SMG6: variants seen among roughly 807,000 people sequenced by gnomAD.
SMG6 encodes the protein telomerase-binding protein EST1A.
A neutral mutation model predicts 142.2 loss-of-function variants in SMG6; 66 were observed. The observed-to-expected ratio is 0.46, with a 90% CI of 0.38 to 0.57. The LOEUF (loss-of-function observed/expected upper bound fraction) is 0.57, where lower values mean the gene tolerates loss of function less well. Among genes scored for constraint, SMG6 ranks in the 20% least tolerant of loss-of-function variants. The probability of loss-of-function intolerance (pLI) is 0.00; values close to 1 mark genes in which losing one functional copy is unlikely to be tolerated. For missense variants in SMG6, 1,793 were observed against 1,832.0 expected (o/e 0.98, Z 0.39); for synonymous variants, 779 against 702.4 (o/e 1.11, Z -1.72).
chr17:2,256,701 G>C (rs1396245426), intron 8 of SMG6, among the ~76,000 whole-genome samples: 1 of 152,162 alleles, frequency 6.6e-6, no homozygotes, highest in Admixed American at 6.5e-5. Flanking sequence ...CTGGAGCCTG[G>C]GAGGCAGAGA....
At chr17:2,286,393 G>A (rs1455616355) in intron 6 of SMG6, among the ~76,000 whole-genome samples, 2 of 150,894 alleles carry the variant, frequency 1.3e-5, no homozygotes, top group East Asian at 3.9e-4. Flanking sequence ...CACAGCTGTG[G>A]TACTGGCATG....
At chr17:2,130,449 G>A (rs918886459) in intron 13 of SMG6, among the ~76,000 whole-genome samples, 7 of 151,808 alleles carry the variant, frequency 4.6e-5, no homozygotes, top group East Asian at 1.9e-4. Flanking sequence ...TCATGGATGG[G>A]AAGACTAAAT....
intron 8 of SMG6, 187 bp from the exon 9 acceptor site, chr17:2,244,906 G>A: frequency 1.7e-6 from 1 of 592,188 alleles, no homozygotes; most frequent in South Asian, 2.0e-5. Flanking sequence ...CCGCTCAGCT[G>A]AGCCAAGATG....
intron 12 of SMG6, among the ~76,000 whole-genome samples, chr17:2,177,806 G>C (rs2071693075): frequency 6.6e-6 from 1 of 152,276 alleles, no homozygotes; most frequent in African/African-American, 2.4e-5. Context: ...CAAAGAAGCT[G>C]AAAAAGAGGA....
chr17:2,266,840 A>G (rs538933763), intron 8 of SMG6, among the ~76,000 whole-genome samples: 18 of 152,324 alleles, frequency 1.2e-4, no homozygotes, highest in African/African-American at 4.1e-4. Flanking sequence ...TCCAGCAGTG[A>G]TCTGGACAAA....
intron 17 of SMG6, 150 bp from the exon 18 acceptor site, chr17:2,065,304 C>G: frequency 1.0e-6 from 1 of 988,056 alleles, no homozygotes; most frequent in Non-Finnish European, 1.5e-6. Flanking sequence ...CCTGATCTGA[C>G]TGTGCTACGA....
chr17:2,273,912 T>C lies in SMG6; in HGVS notation c.2661+8735A>G, dbSNP rs143389088. 1.2e-3 allele frequency among the ~76,000 whole-genome samples: 177 copies of C among 152,334 alleles called. 1 individual carries two copies. The East Asian group carries it at 0.03, about 26-fold the overall frequency. ...TTCCCTTAGGAGCAACAATCCACTATTCACTAATTCAGTGTTTGTGGTGAA... is the reference window on the plus strand; with the variant it reads ...TTCCCTTAGGAGCAACAATCCACTACTCACTAATTCAGTGTTTGTGGTGAA... On this transcript the variant is annotated intron_variant, in intron 8 of 18. Coordinates refer to ENST00000263073, the MANE Select transcript of SMG6 (RefSeq NM_017575.5).
At position 2,300,710 on chromosome 17, in the gene SMG6, G is replaced by A. The variant is rs748468689; in HGVS notation, c.89-46C>T. 8 of 1,485,306 alleles carry A rather than the reference G, an allele frequency of 5.4e-6. No individual in the cohort carries two copies. The African/African-American group carries it at 1.1e-4, about 21-fold the overall frequency. 92.0% of individuals were successfully genotyped at this position (1,485,306 alleles called of 1,614,324 possible). ...TTTGGGAGGGAAAGGTAGAAGATAA[G>A]AATAAAGAAGGAAGATAGGGGAAAG... On this transcript the variant is annotated intron_variant, in intron 1 of 18. Coordinates refer to ENST00000263073, the MANE Select transcript of SMG6 (RefSeq NM_017575.5).
intron 13 of SMG6, among the ~76,000 whole-genome samples, chr17:2,166,533 C>T (rs915914255): frequency 1.3e-5 from 2 of 152,234 alleles, no homozygotes; most frequent in Non-Finnish European, 2.9e-5. Context: ...TCACAGCTCA[C>T]TGCAGCCTAG....
intron 13 of SMG6, among the ~76,000 whole-genome samples, chr17:2,148,809 A>C (rs896559200): frequency 2.0e-5 from 3 of 151,776 alleles, no homozygotes; most frequent in Admixed American, 2.0e-4. Flanking sequence ...CAGTGAGCTG[A>C]GATGGCACCA....
intron 13 of SMG6, among the ~76,000 whole-genome samples, chr17:2,141,132 T>C (rs2070466444): frequency 6.6e-6 from 1 of 152,224 alleles, no homozygotes; most frequent in African/African-American, 2.4e-5. Context: ...ACTAGCCACA[T>C]TTCAAGTATT....
rs554862916 is a variant in SMG6, at chr17:2,125,264, C to T, written c.3358-39363G>A. On this transcript the variant is annotated intron_variant, in intron 13 of 18. Coordinates refer to ENST00000263073, the MANE Select transcript of SMG6 (RefSeq NM_017575.5). The stretch of plus-strand genomic sequence containing the variant: ...CGAGACAGAGATAACCTGGAGGGAC[C>T]GAAACCCCCTATTTATTCACCCTTC... 8.5e-5 allele frequency among the ~76,000 whole-genome samples: 13 copies of T among 152,152 alleles called. No homozygotes were observed. In the South Asian group the frequency reaches 2.5e-3, roughly 29 times the overall value.
intron 1 of SMG6, 54 bp downstream of exon 1, chr17:2,303,579 G>A (rs967097028): frequency 3.1e-5 from 43 of 1,375,328 alleles, no homozygotes; most frequent in Middle Eastern, 2.6e-4. Flanking sequence ...AGAGGAGGAG[G>A]AGAGGGAGGC....
At position 2,186,709 on chromosome 17, in the gene SMG6, G is replaced by T. The variant is rs776729460; in HGVS notation, c.3109C>A (p.Pro1037Thr). Residue 1037 changes from proline to threonine, a missense_variant, in exon 12 of 19, where the codon CCG (proline) becomes ACG (threonine). Transcript: ENST00000263073. Reference protein sequence around the residue: ...KVWSDWMLGYPDTWNPPPTSL... With the variant: ...KVWSDWMLGYTDTWNPPPTSL... ...GTGGGAGGAGGATTCCAGGTGTCCG[G>T]GTAGCCGAGCATCCAATCTGACCAG... 3 of 1,614,228 alleles carry T rather than the reference G, an allele frequency of 1.9e-6. No homozygotes were observed. Among genetic ancestry groups the T allele is most frequent in the Non-Finnish European group, 2.5e-6 (3 of 1,180,048 alleles).
At chr17:2,239,803 A>T (rs2073756926) in intron 9 of SMG6, among the ~76,000 whole-genome samples, 1 of 152,254 alleles carries the variant, frequency 6.6e-6, no homozygotes. Flanking sequence ...AATCAGACAC[A>T]AACATTATAT....
intron 13 of SMG6, among the ~76,000 whole-genome samples, chr17:2,134,216 G>A (rs920270783): frequency 1.3e-5 from 2 of 151,650 alleles, no homozygotes; most frequent in South Asian, 2.1e-4. Context: ...TCAGGAGTTC[G>A]AGACCAGCCT....
intron 13 of SMG6, among the ~76,000 whole-genome samples, chr17:2,165,566 CT>C (rs2071311367): frequency 6.6e-6 from 1 of 152,166 alleles, no homozygotes; most frequent in Non-Finnish European, 1.5e-5. Flanking sequence ...ATTTTAGAGT[CT>C]TTTGTATTTC....
chr17:2,133,819 G>A (rs988036516), intron 13 of SMG6, among the ~76,000 whole-genome samples: 4 of 152,196 alleles, frequency 2.6e-5, no homozygotes, highest in Admixed American at 1.3e-4. Flanking sequence ...CCTTGAAGAA[G>A]TCTCTTTAAA....
chr17:2,099,900 T>C (rs1303738642), intron 13 of SMG6, among the ~76,000 whole-genome samples: 1 of 152,194 alleles, frequency 6.6e-6, no homozygotes, highest in East Asian at 1.9e-4. Flanking sequence ...TCTCACTCTG[T>C]CGCCCAGGCT....
Sources: gnomAD v4.1 joint callset for allele counts (sites outside exome capture counted in the v4.1 genomes callset) on GRCh38, gnomAD v4.1.1 for gene constraint, MANE v1.5 for transcripts, NCBI Gene and HGNC (gene_info 2026-07-23, HGNC 2026-07-21) for gene names.